HOXA10: variants seen among roughly 807,000 people sequenced by gnomAD.
HOXA10 encodes the protein homeobox A10.
A neutral mutation model predicts 29.7 loss-of-function variants in HOXA10; 12 were observed. The observed-to-expected ratio is 0.40, with a 90% CI of 0.26 to 0.65. HOXA10 has a LOEUF of 0.65. HOXA10 is among the 30% of genes least tolerant of loss of function. HOXA10 has a pLI of 0.37. For missense variants in HOXA10, 656 were observed against 585.9 expected (o/e 1.12, Z -1.24); for synonymous variants, 327 against 280.7 (o/e 1.16, Z -1.65).
chr7:27,179,187 C>T (rs1009697993), upstream of HOXA10, among the ~76,000 whole-genome samples: 1 of 152,168 alleles, frequency 6.6e-6, no homozygotes, highest in Non-Finnish European at 1.5e-5. Context: ...AGAGATGCAC[C>T]TAGTAGGAAA....
chr7:27,173,929 C>G lies in HOXA10; in HGVS notation c.378G>C (p.Arg126=), dbSNP rs982690005. Residue 126 remains arginine, a synonymous_variant, in exon 1 of 2, where the codon CGG becomes CGC. Coordinates refer to ENST00000283921, the MANE Select transcript of HOXA10 (RefSeq NM_018951.4). ...GCGGCGGCCCGTCAGGCGGCTCCAT[C>G]CGGCAAGACCGGGGCGCGTCTAGCC... ...DLWLDAPRSC[R]MEPPDGPPPP... The G allele has an allele frequency of 4.6e-6, 7 of 1,521,304 alleles. No homozygotes were observed. Among genetic ancestry groups the G allele is most frequent in the Middle Eastern group, 3.8e-4 (2 of 5,206 alleles). 94.2% of individuals were successfully genotyped at this position (1,521,304 alleles called of 1,614,324 possible). A position where few individuals can be genotyped will look rare whatever the true frequency, so the allele number is the denominator to read the frequency against.
chr7:27,177,746 A>G (rs1783679183), upstream of HOXA10, among the ~76,000 whole-genome samples: 1 of 152,040 alleles, frequency 6.6e-6, no homozygotes, highest in South Asian at 2.1e-4. Flanking sequence ...CCTCGTGCTC[A>G]TTTGCCTTCT....
intron 1 of HOXA10, chr7:27,172,976 G>C (rs1373611301): frequency 2.8e-5 from 8 of 287,604 alleles, no homozygotes; most frequent in African/African-American, 1.8e-4. Context: ...ATCTGCGGGC[G>C]AGCTACTTTC....
chr7:27,176,198 G>GGA (rs925452685), upstream of HOXA10, among the ~76,000 whole-genome samples: 2 of 152,228 alleles, frequency 1.3e-5, no homozygotes, highest in Non-Finnish European at 2.9e-5. Context: ...AAACAGGAGG[G>GGA]GAGAGAGAAT....
intron 1 of HOXA10, chr7:27,172,425 C>T (rs1326577068): frequency 1.7e-6 from 1 of 571,718 alleles, no homozygotes; most frequent in Non-Finnish European, 3.1e-6. Context: ...TGTTTTAGCG[C>T]TAAGCCGTAG....
chr7:27,173,209 G>T, intron 1 of HOXA10, 140 bp downstream of exon 1: 1 of 1,370,266 alleles, frequency 7.3e-7, no homozygotes, highest in Non-Finnish European at 1.0e-6. Context: ...ATATTAAAAA[G>T]CAAGTTCACA....
At chr7:27,178,263 C>T (rs533741701), upstream of HOXA10, among the ~76,000 whole-genome samples, 1 of 152,324 alleles carries the variant, frequency 6.6e-6, no homozygotes, top group South Asian at 2.1e-4. Flanking sequence ...AAAATCAGAG[C>T]TTCTCATATC....
At position 27,173,293 on chromosome 7, in the gene HOXA10, C is replaced by T. The variant is rs1306868313; in HGVS notation, c.958+56G>A. On this transcript the variant is annotated intron_variant, in intron 1 of 1. Transcript: ENST00000283921. ...GGCTCCTAGTTTTCTGATCCTTCTC[C>T]TCCTTGTGTCTGCCTGTCTGCCCGC... 10 of 1,606,050 alleles carry T rather than the reference C, an allele frequency of 6.2e-6. No individual in the cohort carries two copies. In the African/African-American group the frequency reaches 1.2e-4, roughly 19 times the overall value.
chr7:27,173,580 C>T lies in HOXA10; in HGVS notation c.727G>A (p.Ala243Thr). Residue 243 changes from alanine to threonine, a missense_variant, in exon 1 of 2, where the codon GCG (alanine) becomes ACG (threonine). Ala to Thr is a moderately conservative substitution (Grantham distance 58). Around this residue, in one of 2 missense-constraint regions of HOXA10, gnomAD observed 594 missense variants for 491.9 expected, o/e 1.21. Coordinates refer to ENST00000283921, the MANE Select transcript of HOXA10 (RefSeq NM_018951.4). ...TCGAAACCGCGCCCCGGGGGCTGCG[C>T]GGGGAACGGGCCAGCCCCGAGTTGC... Reference protein sequence around the residue: ...AQQLGAGPFPAQPPGRGFDLP... With the variant: ...AQQLGAGPFPTQPPGRGFDLP... The T allele has an allele frequency of 6.8e-7, 1 of 1,476,400 alleles. No individual in the cohort carries two copies. The highest frequency in any genetic ancestry group is 1.5e-5 in the African/African-American group (1 of 67,588). The allele number at this position is 1,476,400 out of a possible 1,614,324, so 91.5% of individuals were successfully genotyped here.
chr7:27,179,531 C>T, intron 1 of HOXA10: 1 of 713,342 alleles, frequency 1.4e-6, no homozygotes, highest in Non-Finnish European at 2.6e-6. Context: ...GGTGGGGGCT[C>T]CCTACCGCGT....
exon 1 of HOXA10, chr7:27,179,657 T>A: frequency 1.3e-6 from 1 of 779,322 alleles, no homozygotes; most frequent in Non-Finnish European, 2.4e-6. Context: ...TTGACACATT[T>A]CCGAAATCAC....
At chr7:27,172,276 G>C in intron 1 of HOXA10, 103 bp from the exon 2 acceptor site, 3 of 1,228,512 alleles carry the variant, frequency 2.4e-6, no homozygotes, top group South Asian at 2.5e-5. Flanking sequence ...GATGTCCCAA[G>C]TCACAGAGAA....
upstream of HOXA10, among the ~76,000 whole-genome samples, chr7:27,176,318 C>T (rs1783654098): frequency 2.6e-5 from 4 of 152,236 alleles, no homozygotes; most frequent in South Asian, 8.3e-4. Flanking sequence ...CTTCGCTCTT[C>T]GCATGCTCCT....
At position 27,170,768 on chromosome 7, in the gene HOXA10, A is replaced by G. The variant is rs969943291; in HGVS notation, c.*1131T>C. 1 of 450,176 alleles carries G rather than the reference A, an allele frequency of 2.2e-6. No individual in the cohort carries two copies. Among genetic ancestry groups the G allele is most frequent in the African/African-American group, 2.0e-5 (1 of 49,684 alleles). The allele number at this position is 450,176 out of a possible 1,614,324, so 27.9% of individuals were successfully genotyped here. A position where few individuals can be genotyped will look rare whatever the true frequency, so the allele number is the denominator to read the frequency against. On this transcript the variant is annotated 3_prime_UTR_variant, in exon 2 of 2. Transcript: ENST00000283921. ...GCATTTGCTTAAAACAAGATTGGCAATTCTTCATAATAATAGACATTTATA... is the reference window on the plus strand; with the variant it reads ...GCATTTGCTTAAAACAAGATTGGCAGTTCTTCATAATAATAGACATTTATA...
chr7:27,171,192 T>G lies in HOXA10; in HGVS notation c.*707A>C. 1 of 454,138 alleles carries G rather than the reference T, an allele frequency of 2.2e-6. No homozygotes were observed. The highest frequency in any genetic ancestry group is 4.4e-6 in the Non-Finnish European group (1 of 226,750). 28.1% of individuals were successfully genotyped at this position (454,138 alleles called of 1,614,324 possible). A position where few individuals can be genotyped will look rare whatever the true frequency, so the allele number is the denominator to read the frequency against. On this transcript the variant is annotated 3_prime_UTR_variant, in exon 2 of 2. Transcript: ENST00000283921. ...AGGCAATGTAAGACCTTACAGAAACTGGAAGAGAAGTCCCCTTCTCTTGGT... is the reference window on the plus strand; with the variant it reads ...AGGCAATGTAAGACCTTACAGAAACGGGAAGAGAAGTCCCCTTCTCTTGGT...
rs1186919072 is a variant in HOXA10, at chr7:27,171,900, C to A, written c.1232G>T (p.Ter411LeuextTer1). The change falls in exon 2 of 2, where the codon TGA becomes TTA. Residue 411 changes from the stop codon to leucine (L), a stop_lost. Coordinates refer to ENST00000283921, the MANE Select transcript of HOXA10 (RefSeq NM_018951.4). Reference protein sequence around the residue: ...RELTANFNFS* With the variant: ...RELTANFNFSL ...AAAACCGCGTCGCCTGGAGATTCAT[C>A]AGGAAAAATTAAAGTTGGCTGTGAG... The A allele has an allele frequency of 1.2e-6, 2 of 1,614,124 alleles. 1 individual carries two copies. The highest frequency in any genetic ancestry group is 3.3e-5 in the Admixed American group (2 of 60,016).
In HOXA10 at chr7:27,173,794, G is replaced by A. The variant is rs1426439615; in HGVS notation, c.513C>T (p.Leu171=). Residue 171 remains leucine (L), a synonymous_variant, in exon 1 of 2, where the codon CTC becomes CTT. Coordinates refer to ENST00000283921, the MANE Select transcript of HOXA10 (RefSeq NM_018951.4). ...QNIKEESSYC[L]YDSADKCPKV... ...TGGGGCATTTGTCCGCCGAGTCGTA[G>A]AGGCAGTAGGAGCTCTCTTCTTTGA... 4.2e-5 allele frequency: 68 copies of A among 1,611,042 alleles called. No individual in the cohort carries two copies. The highest frequency in any genetic ancestry group is 5.8e-5 in the Non-Finnish European group (68 of 1,178,792).
chr7:27,174,015 CACCGCT>C lies in HOXA10; in HGVS notation c.286_291del (p.Ser96_Gly97del). The C allele has an allele frequency of 6.5e-7, 1 of 1,528,926 alleles. No homozygotes were observed. Among genetic ancestry groups the C allele is most frequent in the Non-Finnish European group, 8.7e-7 (1 of 1,144,192 alleles). The allele number at this position is 1,528,926 out of a possible 1,614,324, so 94.7% of individuals were successfully genotyped here. ...CCGGGACCTAGACCCCCGCCACCGC[CACCGCT>C]GCCCGGCGACGCTGCCTCATTGCGC... On this transcript the variant is annotated inframe_deletion, in exon 1 of 2. Transcript: ENST00000283921.
At chr7:27,175,995 G>A (rs1783649336), upstream of HOXA10, among the ~76,000 whole-genome samples, 2 of 152,224 alleles carry the variant, frequency 1.3e-5, no homozygotes, top group African/African-American at 4.8e-5. Context: ...TGCGGTCGCT[G>A]CGGGCAGTGG....
Sources: allele counts gnomAD v4.1 joint callset (sites outside exome capture counted in the v4.1 genomes callset), GRCh38; gene constraint gnomAD v4.1.1; regional missense constraint gnomAD v4.1.1; transcripts MANE v1.5; gene names NCBI Gene and HGNC (gene_info 2026-07-23, HGNC 2026-07-21).